OPRM1: variants seen among roughly 807,000 people sequenced by gnomAD.
OPRM1 encodes the protein opioid receptor mu 1.
In OPRM1, 27 loss-of-function variants were observed where a neutral mutation model predicts 31.8. The ratio of observed to expected loss-of-function variants is 0.85; its 90% confidence interval spans 0.63 to 1.17. The LOEUF (loss-of-function observed/expected upper bound fraction) is 1.17. OPRM1 is among the 50% of genes most tolerant of loss of function. The pLI is 0.00. For synonymous variants in OPRM1, 196 were observed against 189.9 expected, an observed-to-expected ratio of 1.03 and a Z score of -0.26; for missense variants, 536 against 511.1, an observed-to-expected ratio of 1.05 and a Z score of -0.47.
chr6:154,168,126 A>G lies in OPRM1; in HGVS notation c.1164+76654A>G, dbSNP rs1195447838. ...ACTTTTGTCTCTTCTATTTGAAAAA[A>G]AAAAAGAAAGCAGTAACAATAAACC... On this transcript the variant is annotated intron_variant, in intron 3 of 3. Coordinates refer to the OPRM1 transcript ENST00000337049. The surrounding 1 kb of genome is among the most constrained non-coding windows in gnomAD (Gnocchi z 4.1). The G allele has an allele frequency of 6.6e-7, 1 of 1,525,920 alleles. No homozygotes were observed. The highest frequency in any genetic ancestry group is 2.0e-5 in the Admixed American group (1 of 49,316). 94.5% of individuals were successfully genotyped at this position (1,525,920 alleles called of 1,614,324 possible).
In OPRM1 at chr6:154,204,520, T is replaced by G. The variant is rs368247268; in HGVS notation, c.1165-42173T>G. Among the ~76,000 whole-genome samples, 6 of 152,322 alleles carry G rather than the reference T, an allele frequency of 3.9e-5. No individual in the cohort carries two copies. The South Asian group carries it at 1.2e-3, about 32-fold the overall frequency. On this transcript the variant is annotated intron_variant, in intron 3 of 3. Coordinates refer to the OPRM1 transcript ENST00000337049. ...GTATCATGTTTGTATTTCTCCTATA[T>G]GCCAGGAGAAGCATCACCCTAAATA...
chr6:154,228,534 C>A (rs1779454506), intron 3 of OPRM1, among the ~76,000 whole-genome samples: 1 of 152,160 alleles, frequency 6.6e-6, no homozygotes, highest in Non-Finnish European at 1.5e-5. Flanking sequence ...CACAATTCAG[C>A]CCATCTAGTT....
At position 154,149,613 on chromosome 6, in the gene OPRM1, TG is replaced by T. The variant is rs1425564000; in HGVS notation, c.1164+58142del. 6.2e-4 allele frequency among the ~76,000 whole-genome samples: 93 copies of T among 150,834 alleles called. 4 individuals carry two copies. In the South Asian group the frequency reaches 9.8e-3, roughly 16 times the overall value. ...ATTCTGGATCGTGTGTGTGTGTGTG[TG>T]TGTGTGCGCGCGTGTGTGTGTAGAG... On this transcript the variant is annotated intron_variant, in intron 3 of 3. Transcript: ENST00000337049.
chr6:154,036,998 A>T (rs1304789418), upstream of OPRM1, among the ~76,000 whole-genome samples: 1 of 152,024 alleles, frequency 6.6e-6, no homozygotes, highest in Non-Finnish European at 1.5e-5. Flanking sequence ...AGTATATTAA[A>T]AAATGCATAC....
At chr6:154,034,001 A>G (rs1009952426) in intron 1 of OPRM1, among the ~76,000 whole-genome samples, 7 of 152,242 alleles carry the variant, frequency 4.6e-5, no homozygotes, top group African/African-American at 1.7e-4. Flanking sequence ...ACGTGCACTC[A>G]CAGAAGAAAA....
intron 3 of OPRM1, among the ~76,000 whole-genome samples, chr6:154,097,064 ATG>A (rs1442780090): frequency 6.6e-6 from 1 of 152,190 alleles, no homozygotes; most frequent in African/African-American, 2.4e-5. Flanking sequence ...CAAATGAGTT[ATG>A]TGTTTTGTGA....
At chr6:154,031,756 T>A (rs1779022399) in intron 1 of OPRM1, among the ~76,000 whole-genome samples, 1 of 151,430 alleles carries the variant, frequency 6.6e-6, no homozygotes, top group Non-Finnish European at 1.5e-5. Context: ...AAAATAATAA[T>A]AAAAATAAAA....
At chr6:154,240,930 A>G (rs1212606842) in intron 3 of OPRM1, among the ~76,000 whole-genome samples, 3 of 152,136 alleles carry the variant, frequency 2.0e-5, no homozygotes, top group East Asian at 1.9e-4. Context: ...CAGTTTGTCT[A>G]AAGTTTTTAT....
At chr6:154,108,737 A>G (rs1795983659) in intron 3 of OPRM1, 1 of 977,898 alleles carries the variant, frequency 1.0e-6, no homozygotes, top group Admixed American at 6.2e-5. Context: ...GACTCTAACC[A>G]TCCTAAGTAG....
chr6:154,141,850 A>G (rs558503841), intron 3 of OPRM1, among the ~76,000 whole-genome samples: 1 of 141,010 alleles, frequency 7.1e-6, no homozygotes, highest in Non-Finnish European at 1.6e-5. Flanking sequence ...TGCCCTAAGC[A>G]GTTCCCGGCT....
At chr6:154,210,000 C>A (rs1206643483) in intron 3 of OPRM1, among the ~76,000 whole-genome samples, 1 of 152,170 alleles carries the variant, frequency 6.6e-6, no homozygotes, top group Non-Finnish European at 1.5e-5. Context: ...AACTTACTGG[C>A]TTCATGAGTA....
At chr6:154,040,003 C>A (rs1291708163) in intron 1 of OPRM1, among the ~76,000 whole-genome samples, 169 bp downstream of exon 1, 1 of 152,120 alleles carries the variant, frequency 6.6e-6, no homozygotes, top group Non-Finnish European at 1.5e-5. Context: ...TATGAGAAAA[C>A]CTACTTTTCT....
In OPRM1 at chr6:154,191,018, T is replaced by C. The variant is rs544480712; in HGVS notation, c.1165-55675T>C. On this transcript the variant is annotated intron_variant, in intron 3 of 3. Transcript: ENST00000337049. ...TTTCACTGAGCCGAGATCGCGCCACTGCACTGCAGCCTGGACGACAGAGAG... is the reference window on the plus strand; with the variant it reads ...TTTCACTGAGCCGAGATCGCGCCACCGCACTGCAGCCTGGACGACAGAGAG... Among the ~76,000 whole-genome samples, 8 of 152,188 alleles carry C rather than the reference T, an allele frequency of 5.3e-5. No individual in the cohort carries two copies. The South Asian group carries it at 1.7e-3, about 32-fold the overall frequency.
chr6:154,119,208 T>G lies in OPRM1; in HGVS notation c.*487T>G. On this transcript the variant is annotated 3_prime_UTR_variant, in exon 4 of 4. Coordinates refer to ENST00000330432, the MANE Select transcript of OPRM1 (RefSeq NM_000914.5). ...GAATCCATTATTCTATTTTAGACTT[T>G]TAACTTCACCTTAAAATTAGCATCT... is the stretch of plus-strand genomic sequence containing the variant. 1 of 986,150 alleles carries G rather than the reference T, an allele frequency of 1.0e-6. No individual in the cohort carries two copies. Among genetic ancestry groups the G allele is most frequent in the Non-Finnish European group, 1.2e-6 (1 of 830,152 alleles). The allele number at this position is 986,150 out of a possible 1,614,324, so 61.1% of individuals were successfully genotyped here.
chr6:154,195,144 TTTC>T (rs1481217742), intron 3 of OPRM1, among the ~76,000 whole-genome samples: 16 of 128,684 alleles, frequency 1.2e-4, no homozygotes, highest in African/African-American at 4.6e-4. Context: ...TTTTCTTTTC[TTTC>T]TTTTTTTTTT....
chr6:154,053,612 G>A (rs1782624374), intron 1 of OPRM1, among the ~76,000 whole-genome samples: 1 of 152,162 alleles, frequency 6.6e-6, no homozygotes, highest in Non-Finnish European at 1.5e-5. Context: ...CTTGTCTACA[G>A]TTTTGTTCAA....
intron 3 of OPRM1, among the ~76,000 whole-genome samples, chr6:154,145,760 G>A (rs1287027761): frequency 6.6e-6 from 1 of 152,234 alleles, no homozygotes; most frequent in Non-Finnish European, 1.5e-5. Flanking sequence ...TCAAAGATGT[G>A]CGGTATTGAC....
chr6:154,142,364 C>T (rs1054121055), intron 3 of OPRM1, among the ~76,000 whole-genome samples: 3 of 64,012 alleles, frequency 4.7e-5, no homozygotes, highest in Admixed American at 3.7e-4. Flanking sequence ...TGACTGGGCT[C>T]GACCATGCAC....
At chr6:154,202,843 A>T (rs556158836) in intron 3 of OPRM1, among the ~76,000 whole-genome samples, 221 of 151,294 alleles carry the variant, frequency 1.5e-3, no homozygotes, top group African/African-American at 5.1e-3. Context: ...TTTTAAATGG[A>T]GAAAAGAAGA....
Sources: gnomAD v4.1 joint callset for allele counts (sites outside exome capture counted in the v4.1 genomes callset) on GRCh38, gnomAD v4.1.1 for gene constraint, Gnocchi (gnomAD v3.1) non-coding constraint, MANE v1.5 for transcripts, NCBI Gene and HGNC (gene_info 2026-07-23, HGNC 2026-07-21) for gene names.